Variants in PIEZO2 observed in about 807,000 individuals in gnomAD.
PIEZO2 encodes piezo type mechanosensitive ion channel component 2.
Under a neutral mutation model 337.3 loss-of-function variants are expected in PIEZO2, and 172 were observed. That is an observed-to-expected ratio of 0.51 (90% CI 0.45 to 0.58). The LOEUF (loss-of-function observed/expected upper bound fraction) is 0.58. Ranked by LOEUF, PIEZO2 falls within the 20% of genes least tolerant of loss-of-function variation. PIEZO2 has a pLI of 0.00. For missense variants in PIEZO2, 3,028 were observed against 3,391.3 expected, an observed-to-expected ratio of 0.89 and a Z score of 2.66; for synonymous variants, 1,251 against 1,228.5, an observed-to-expected ratio of 1.02 and a Z score of -0.38.
At chr18:10,802,077 C>A in intron 9 of PIEZO2, among the ~76,000 whole-genome samples, 1 of 111,446 alleles carries the variant, frequency 9.0e-6, no homozygotes, top group Admixed American at 1.1e-4. Context: ...CAGAGCGAGA[C>A]TCCGTCTCAA....
At position 11,028,133 on chromosome 18, in the gene PIEZO2, G is replaced by A. The variant is rs1466473458; in HGVS notation, c.160+37994C>T. On this transcript the variant is annotated intron_variant, in intron 2 of 55. Coordinates refer to ENST00000674853, the MANE Select transcript of PIEZO2 (RefSeq NM_001378183.1). This position sits in a 1 kb window ranked among gnomAD's most constrained non-coding sequence, Gnocchi z 4.8. Reference sequence around the variant, plus strand: ...TGATTTACATGGTGTGGCACCACGAGCTGCAAGTTCTACAAACTGTAACTT... The same window carrying A: ...TGATTTACATGGTGTGGCACCACGAACTGCAAGTTCTACAAACTGTAACTT... 2.0e-5 allele frequency among the ~76,000 whole-genome samples: 3 copies of A among 152,230 alleles called. No homozygotes were observed. Among genetic ancestry groups the A allele is most frequent in the African/African-American group, 4.8e-5 (2 of 41,464 alleles).
intron 3 of PIEZO2, among the ~76,000 whole-genome samples, chr18:10,950,043 T>A (rs957459354): frequency 6.6e-6 from 1 of 152,218 alleles, no homozygotes; most frequent in African/African-American, 2.4e-5. Context: ...ATATTACTTT[T>A]AAAAAATGAA....
At position 10,828,502 on chromosome 18, in the gene PIEZO2, G is replaced by A. The variant is rs571265256; in HGVS notation, c.918-21228C>T. On this transcript the variant is annotated intron_variant, in intron 7 of 55. Coordinates refer to ENST00000674853, the MANE Select transcript of PIEZO2 (RefSeq NM_001378183.1). This position sits in a 1 kb window ranked among gnomAD's most constrained non-coding sequence, Gnocchi z 4.1. Reference sequence around the variant, plus strand: ...CTTCCATTGTTTCCTAAATGACCCTGGAAAAAACTGAAAGTAGAAGGTAAA... The same window carrying A: ...CTTCCATTGTTTCCTAAATGACCCTAGAAAAAACTGAAAGTAGAAGGTAAA... Among the ~76,000 whole-genome samples the A allele has an allele frequency of 8.9e-4, 136 of 152,058 alleles. 2 individuals are homozygous for A. The highest frequency in any genetic ancestry group is 6.8e-3 in the Middle Eastern group (2 of 294).
rs1055438826 is a variant in PIEZO2, at chr18:11,027,697, G to A, written c.160+38430C>T. Among the ~76,000 whole-genome samples, 1 of 152,146 alleles carries A rather than the reference G, an allele frequency of 6.6e-6. No homozygotes were observed. The highest frequency in any genetic ancestry group is 2.4e-5 in the African/African-American group (1 of 41,440). On this transcript the variant is annotated intron_variant, in intron 2 of 55. Coordinates refer to ENST00000674853, the MANE Select transcript of PIEZO2 (RefSeq NM_001378183.1). This position sits in a 1 kb window ranked among gnomAD's most constrained non-coding sequence, Gnocchi z 4.2. ...ATTTGGGGTTGTCTTTCACAATTAT[G>A]TTGTACAAATAAATGTAAAAATCAT...
At chr18:10,780,637 CA>C (rs1442312455) in intron 17 of PIEZO2, among the ~76,000 whole-genome samples, 3 of 148,662 alleles carry the variant, frequency 2.0e-5, no homozygotes, top group Admixed American at 6.7e-5. Context: ...CACTTTATTA[CA>C]AATTTGTAAT....
At chr18:10,912,033 T>G (rs1381779527) in intron 3 of PIEZO2, among the ~76,000 whole-genome samples, 1 of 152,102 alleles carries the variant, frequency 6.6e-6, no homozygotes, top group African/African-American at 2.4e-5. Flanking sequence ...ATCTTACCAG[T>G]GTTGACCACA....
intron 4 of PIEZO2, among the ~76,000 whole-genome samples, chr18:10,885,944 T>C (rs1467070054): frequency 6.6e-6 from 1 of 151,992 alleles, no homozygotes; most frequent in African/African-American, 2.4e-5. Flanking sequence ...GTCAAGTACA[T>C]AGGTTTAGAA....
chr18:10,790,845 C>T (rs964773579), intron 14 of PIEZO2, among the ~76,000 whole-genome samples: 15 of 152,032 alleles, frequency 9.9e-5, no homozygotes, highest in Non-Finnish European at 2.1e-4. Flanking sequence ...GCTGGGACTA[C>T]AGGCGCCCAC....
chr18:11,118,497 T>C (rs987643754), intron 1 of PIEZO2, among the ~76,000 whole-genome samples: 1 of 152,202 alleles, frequency 6.6e-6, no homozygotes, highest in Non-Finnish European at 1.5e-5. Flanking sequence ...GCAGGATCGA[T>C]TGCATCTAAC....
At position 10,944,159 on chromosome 18, in the gene PIEZO2, A is replaced by G. The variant is rs80280499; in HGVS notation, c.287-32931T>C. ...AAAAAATAAAATAAGAAATGAAAAC[A>G]TAAATATTTAAAACAAATACTCGGT... On this transcript the variant is annotated intron_variant, in intron 3 of 55. Transcript: ENST00000674853. Among the ~76,000 whole-genome samples the G allele has an allele frequency of 9.4e-3, 1,438 of 152,316 alleles. 18 individuals are homozygous for G. Among genetic ancestry groups the G allele is most frequent in the African/African-American group, 0.032 (1,331 of 41,566 alleles).
At chr18:10,743,351 G>A (rs2037299393) in intron 31 of PIEZO2, among the ~76,000 whole-genome samples, 1 of 152,086 alleles carries the variant, frequency 6.6e-6, no homozygotes, top group Non-Finnish European at 1.5e-5. Context: ...CATTTGCTTG[G>A]GGAAAGTATC....
chr18:10,716,443 C>T lies in PIEZO2; in HGVS notation c.5090-627G>A, dbSNP rs1323706709. Among the ~76,000 whole-genome samples the T allele has an allele frequency of 6.6e-6, 1 of 152,212 alleles. No homozygotes were observed. The highest frequency in any genetic ancestry group is 1.9e-4 in the East Asian group (1 of 5,208). On this transcript the variant is annotated intron_variant, in intron 37 of 55. Coordinates refer to ENST00000674853, the MANE Select transcript of PIEZO2 (RefSeq NM_001378183.1). This position sits in a 1 kb window ranked among gnomAD's most constrained non-coding sequence, Gnocchi z 4.1. The stretch of plus-strand genomic sequence containing the variant: ...TCTGTGTGACAATTTCCCACCTGTG[C>T]TGTCACTACCCTGGTGACACCCAAA...
chr18:10,964,560 G>T (rs764320720), intron 3 of PIEZO2, among the ~76,000 whole-genome samples: 1 of 152,070 alleles, frequency 6.6e-6, no homozygotes, highest in Non-Finnish European at 1.5e-5. Context: ...TAGTGAATAC[G>T]GTATACTTTT....
chr18:11,000,902 C>G (rs542689997), intron 2 of PIEZO2, among the ~76,000 whole-genome samples: 1 of 152,238 alleles, frequency 6.6e-6, no homozygotes, highest in East Asian at 1.9e-4. Flanking sequence ...CCCTCCAGAA[C>G]TGTCTAGAAT....
In PIEZO2 at chr18:11,109,526, G is replaced by A. The variant is rs192315407; in HGVS notation, c.64+38999C>T. Among the ~76,000 whole-genome samples, 5,605 of 152,146 alleles carry A rather than the reference G, an allele frequency of 0.037. 140 individuals are homozygous for A. Among genetic ancestry groups the A allele is most frequent in the East Asian group, 0.075 (386 of 5,162 alleles). ...AGGTCAGGGGTTTGAGACGACCCTG[G>A]CCAAGATGGCGAAACCCCGTCTCTA... is the stretch of plus-strand genomic sequence containing the variant. On this transcript the variant is annotated intron_variant, in intron 1 of 55. Transcript: ENST00000674853. This position sits in a 1 kb window ranked among gnomAD's most constrained non-coding sequence, Gnocchi z 5.1.
chr18:11,024,293 C>G (rs2036444264), intron 2 of PIEZO2, among the ~76,000 whole-genome samples: 1 of 151,938 alleles, frequency 6.6e-6, no homozygotes. Flanking sequence ...CGCCTGTAAT[C>G]CCAGCACTCT....
rs781504783 is a variant in PIEZO2, at chr18:10,752,677, C to T, written c.4126G>A (p.Ala1376Thr). Residue 1376 changes from alanine (A) to threonine (T), a missense_variant, in exon 28 of 56, where the codon GCA becomes ACA. Physicochemically the swap from Ala to Thr is moderately conservative, Grantham distance 58. Transcript: ENST00000674853. ...SILRYWDWLI[A>T]YNVFVITMKN... The stretch of plus-strand genomic sequence containing the variant: ...ATCGTAATCACAAAAACGTTGTATG[C>T]GATCAGCCAGTCCCAGTAGCGCAGG... The T allele has an allele frequency of 3.9e-5, 60 of 1,537,054 alleles. No homozygotes were observed. The highest frequency in any genetic ancestry group is 1.4e-4 in the African/African-American group (10 of 73,032).
intron 4 of PIEZO2, among the ~76,000 whole-genome samples, chr18:10,905,712 C>T (rs2043159431): frequency 6.6e-6 from 1 of 152,048 alleles, no homozygotes; most frequent in Non-Finnish European, 1.5e-5. Context: ...AATGACACTT[C>T]CAGAAGCTGC....
Position 10,675,320 on chromosome 18 carries a change from G to T in PIEZO2, c.8082-32C>A, listed in dbSNP as rs374815336. The T allele has an allele frequency of 1.2e-3, 1,602 of 1,312,426 alleles. 33 individuals are homozygous for T. In the South Asian group the frequency reaches 0.022, roughly 18 times the overall value. The allele number at this position is 1,312,426 out of a possible 1,614,324, so 81.3% of individuals were successfully genotyped here. A position where few individuals can be genotyped will look rare whatever the true frequency, so the allele number is the denominator to read the frequency against. ...ATTAAGAAAAAAAAGATACAATTAC[G>T]TTTTAGTTGTTTTACCCACCTAAAA... On this transcript the variant is annotated intron_variant, in intron 53 of 55. Coordinates refer to ENST00000674853, the MANE Select transcript of PIEZO2 (RefSeq NM_001378183.1).
Sources: allele counts gnomAD v4.1 joint callset (sites outside exome capture counted in the v4.1 genomes callset), GRCh38; gene constraint gnomAD v4.1.1; non-coding constraint Gnocchi (gnomAD v3.1); transcripts MANE v1.5; gene names NCBI Gene and HGNC (gene_info 2026-07-23, HGNC 2026-07-21).